The following NFU1 variants were observed in gnomAD, a reference collection of about 807,000 sequenced individuals.
NFU1 encodes NFU1 iron-sulfur cluster scaffold, also known as NFU1 iron-sulfur cluster scaffold homolog, mitochondrial.
In NFU1, 30 loss-of-function variants were observed where a neutral mutation model predicts 32.2. The ratio of observed to expected loss-of-function variants is 0.93; its 90% CI spans 0.70 to 1.26. The LOEUF (loss-of-function observed/expected upper bound fraction) is 1.26. NFU1 is among the 50% of genes most tolerant of loss of function. The probability of loss-of-function intolerance (pLI) is 0.00; values close to 1 mark genes in which losing one functional copy is unlikely to be tolerated. For synonymous variants in NFU1, 112 were observed against 104.6 expected (o/e 1.07, Z -0.43); for missense variants, 306 against 306.6 (o/e 1.00, Z 0.02).
chr2:69,437,244 G>A (rs2104827723), intron 1 of NFU1, 117 bp downstream of exon 1: 3 of 1,495,970 alleles, frequency 2.0e-6, no homozygotes, highest in South Asian at 1.3e-5. Flanking sequence ...GGGCGGACCC[G>A]CCGGCTCCAT....
intron 7 of NFU1, chr2:69,399,288 C>A (rs1672435569): frequency 7.3e-6 from 3 of 413,280 alleles, no homozygotes; most frequent in Non-Finnish European, 4.8e-6. Flanking sequence ...TCCCTTCACT[C>A]CTTGATAATC....
intron 7 of NFU1, among the ~76,000 whole-genome samples, chr2:69,399,607 C>T (rs1276592202): frequency 2.1e-5 from 3 of 144,914 alleles, no homozygotes; most frequent in South Asian, 2.2e-4. Context: ...AGCAAGACCC[C>T]GTCTCTACAA....
chr2:69,437,580 T>C, upstream of NFU1: 1 of 848,600 alleles, frequency 1.2e-6, no homozygotes, highest in South Asian at 1.4e-5. Flanking sequence ...CGCCGAGGTT[T>C]GCAGGCTACT....
intron 5 of NFU1, among the ~76,000 whole-genome samples, chr2:69,411,803 A>G (rs13404861): frequency 0.023 from 3,438 of 152,022 alleles, 138 homozygotes; most frequent in African/African-American, 0.077. Context: ...CATATTGCCC[A>G]GGCTAGTCTC....
rs751307193 is a variant in NFU1, at chr2:69,437,373, C to A, written c.50G>T (p.Gly17Val). ...GCTCGTCACCTACCGCCTGCGCAGC[C>A]CGGCGGCAACAGCCGCAGCTCCCCA... ...RGWGAAAVAAGLRRRFCHMLK... is the reference protein window; with the variant it reads ...RGWGAAAVAAVLRRRFCHMLK... Residue 17 changes from glycine to valine, a missense_variant, in exon 1 of 8, where the codon GGG becomes GTG. Transcript: ENST00000410022. 6.2e-7 allele frequency: 1 copy of A among 1,608,536 alleles called. No homozygotes were observed. Among genetic ancestry groups the A allele is most frequent in the South Asian group, 1.1e-5 (1 of 90,826 alleles).
At chr2:69,406,538 T>C (rs539158095) in intron 5 of NFU1, among the ~76,000 whole-genome samples, 3 of 152,324 alleles carry the variant, frequency 2.0e-5, no homozygotes, top group African/African-American at 7.2e-5. Flanking sequence ...ATACTAAATA[T>C]AGATGTAAGC....
intron 4 of NFU1, chr2:69,416,290 T>G (rs1459819046): frequency 6.8e-6 from 1 of 147,844 alleles, no homozygotes; most frequent in Non-Finnish European, 1.5e-5. Flanking sequence ...TCACTTATTA[T>G]TATTAATAAT....
chr2:69,413,731 C>T (rs560485479), intron 5 of NFU1, among the ~76,000 whole-genome samples: 3 of 151,998 alleles, frequency 2.0e-5, no homozygotes, highest in South Asian at 2.1e-4. Context: ...TGCACTCCAG[C>T]CTGGATGACA....
chr2:69,427,343 C>T (rs1269767056), intron 2 of NFU1, among the ~76,000 whole-genome samples: 1 of 150,530 alleles, frequency 6.6e-6, no homozygotes, highest in Non-Finnish European at 1.5e-5. Flanking sequence ...TGGGATCGCA[C>T]CATTGCACTC....
At chr2:69,415,811 G>A (rs1313263171) in intron 4 of NFU1, among the ~76,000 whole-genome samples, 2 of 152,018 alleles carry the variant, frequency 1.3e-5, no homozygotes, top group South Asian at 2.1e-4. Context: ...GAGCCACAGC[G>A]CCTGGCCCCC....
intron 1 of NFU1, among the ~76,000 whole-genome samples, chr2:69,436,821 G>A (rs1043551338): frequency 4.0e-5 from 6 of 150,794 alleles, no homozygotes; most frequent in African/African-American, 1.2e-4. Context: ...AACAGAGTGG[G>A]CTTAATGGTG....
At chr2:69,437,480 G>C (rs771821679), upstream of NFU1, 1 of 1,578,644 alleles carries the variant, frequency 6.3e-7, no homozygotes, top group South Asian at 1.1e-5. Flanking sequence ...CTGCGCAGCC[G>C]CAGGCTGGCC....
chr2:69,413,823 C>T (rs1207847492), intron 5 of NFU1, among the ~76,000 whole-genome samples: 1 of 149,918 alleles, frequency 6.7e-6, no homozygotes. Context: ...CCGAGGCAGG[C>T]GAATCATGAG....
intron 2 of NFU1, among the ~76,000 whole-genome samples, chr2:69,427,541 G>A (rs1472728626): frequency 2.0e-5 from 3 of 151,792 alleles, no homozygotes; most frequent in Non-Finnish European, 2.9e-5. Context: ...TCAGCCAGGC[G>A]TGGTAGTGTG....
At chr2:69,404,945 G>GTAACAATACAATAGGAGTAACAAT (rs1672649101) in intron 6 of NFU1, among the ~76,000 whole-genome samples, 1 of 151,194 alleles carries the variant, frequency 6.6e-6, no homozygotes, top group Non-Finnish European at 1.5e-5. Flanking sequence ...ACAATACATT[G>GTAACAATACAATAGGAGTAACAAT]TTACTAACTA....
At chr2:69,416,098 A>G (rs1333639203) in intron 4 of NFU1, 3 of 151,734 alleles carry the variant, frequency 2.0e-5, no homozygotes, top group African/African-American at 4.8e-5. Context: ...AAGAAAAGAG[A>G]TAAAAAGAAA....
Position 69,396,180 on chromosome 2 carries a change from TAATA to T in NFU1, c.*62_*65del. On this transcript the variant is annotated 3_prime_UTR_variant, in exon 8 of 8. Coordinates refer to ENST00000410022, the MANE Select transcript of NFU1 (RefSeq NM_001002755.4). ...ATCTTCAAGTTCCTCAGCATATTAA[TAATA>T]AAAACTTGATATATATTATCAACAA... 8.2e-7 allele frequency: 1 copy of T among 1,222,424 alleles called. No homozygotes were observed. Among genetic ancestry groups the T allele is most frequent in the Non-Finnish European group, 1.2e-6 (1 of 835,244 alleles). The allele number at this position is 1,222,424 out of a possible 1,614,324, so 75.7% of individuals were successfully genotyped here. A position where few individuals can be genotyped will look rare whatever the true frequency, so the allele number is the denominator to read the frequency against.
At chr2:69,424,855 T>G in intron 2 of NFU1, among the ~76,000 whole-genome samples, 1 of 150,346 alleles carries the variant, frequency 6.7e-6, no homozygotes, top group South Asian at 2.1e-4. Flanking sequence ...GTGCTTATTA[T>G]ATGCCAAATA....
At chr2:69,423,236 CTGTGTGAGTGTGTGTGTGTGTGTG>C (rs1673316189) in intron 3 of NFU1, among the ~76,000 whole-genome samples, 1 of 82,760 alleles carries the variant, frequency 1.2e-5, no homozygotes, top group African/African-American at 5.5e-5. Context: ...GATGGGCTCT[CTGTGTGAGTGTGTGTGTGTGTGTG>C]TGTGTGTGTG....
Sources: gnomAD v4.1 joint callset for allele counts (sites outside exome capture counted in the v4.1 genomes callset) on GRCh38, gnomAD v4.1.1 for gene constraint, MANE v1.5 for transcripts, NCBI Gene and HGNC (gene_info 2026-07-23, HGNC 2026-07-21) for gene names.